DDAH1: variants seen among roughly 807,000 people sequenced by gnomAD.
DDAH1 encodes dimethylarginine dimethylaminohydrolase 1.
DDAH1 carries 19 observed loss-of-function variants against 28.8 expected under a neutral mutation model. The ratio of observed to expected loss-of-function variants is 0.66; its 90% CI spans 0.46 to 0.97. DDAH1 has a LOEUF of 0.97. DDAH1 is among the 50% of genes least tolerant of loss of function. The pLI, the probability that DDAH1 is intolerant of heterozygous loss-of-function variation, is 0.00. For synonymous variants in DDAH1, 153 were observed against 154.4 expected, an observed-to-expected ratio of 0.99 and a Z score of 0.07; for missense variants, 326 against 375.9, an observed-to-expected ratio of 0.87 and a Z score of 1.10.
At chr1:85,397,028 C>A (rs12564698) in intron 1 of DDAH1, among the ~76,000 whole-genome samples, 17,309 of 131,558 alleles carry the variant, frequency 0.13, 1,075 homozygotes, top group East Asian at 0.26. Flanking sequence ...TAGTGTGAGA[C>A]CCTGTCTTAA....
At chr1:85,483,476 G>A (rs1242443043) in intron 2 of DDAH1, among the ~76,000 whole-genome samples, 1 of 152,104 alleles carries the variant, frequency 6.6e-6, no homozygotes, top group African/African-American at 2.4e-5. Context: ...TTTAAGGAAA[G>A]GTACAGTTAA....
intron 2 of DDAH1, chr1:85,494,613 A>T (rs1204231919): frequency 6.6e-6 from 1 of 152,194 alleles, no homozygotes; most frequent in Non-Finnish European, 1.5e-5. Context: ...CCTGCTTTGC[A>T]TTACCAAATT....
chr1:85,474,621 A>G (rs77041226), intron 2 of DDAH1, among the ~76,000 whole-genome samples: 2,592 of 152,224 alleles, frequency 0.017, 62 homozygotes, highest in East Asian at 0.11. Context: ...TTTGACTCCT[A>G]TGACAAAGCA....
intron 1 of DDAH1, among the ~76,000 whole-genome samples, chr1:85,548,322 C>G (rs1426374185): frequency 6.6e-6 from 1 of 152,110 alleles, no homozygotes. Flanking sequence ...AGATAAGAAA[C>G]TGATATTTGA....
At chr1:85,406,740 G>A (rs1043701234) in intron 1 of DDAH1, among the ~76,000 whole-genome samples, 5 of 152,006 alleles carry the variant, frequency 3.3e-5, no homozygotes, top group Non-Finnish European at 7.4e-5. Flanking sequence ...TTGAGTATAC[G>A]AAGCACTGTT....
At chr1:85,471,836 G>A (rs954259701) in intron 2 of DDAH1, among the ~76,000 whole-genome samples, 4 of 152,184 alleles carry the variant, frequency 2.6e-5, no homozygotes, top group Non-Finnish European at 5.9e-5. Flanking sequence ...ACCTCCTCCT[G>A]TGCAAGCAAC....
intron 2 of DDAH1, among the ~76,000 whole-genome samples, chr1:85,491,808 G>C (rs1554598): frequency 0.056 from 8,585 of 152,088 alleles, 343 homozygotes; most frequent in African/African-American, 0.11. Context: ...TGTGTACTTT[G>C]TACTCTATAC....
chr1:85,378,220 C>A (rs546080898), intron 1 of DDAH1, among the ~76,000 whole-genome samples: 1 of 152,188 alleles, frequency 6.6e-6, no homozygotes, highest in East Asian at 1.9e-4. Flanking sequence ...TTTTGTATCT[C>A]CTCCTCCTCA....
chr1:85,409,973 C>A (rs1652571541), intron 1 of DDAH1, among the ~76,000 whole-genome samples: 1 of 152,162 alleles, frequency 6.6e-6, no homozygotes, highest in African/African-American at 2.4e-5. Context: ...ATGTATATAT[C>A]AACAGAGATT....
chr1:85,561,499 A>G (rs115303070), intron 1 of DDAH1, among the ~76,000 whole-genome samples: 1 of 152,196 alleles, frequency 6.6e-6, no homozygotes, highest in Non-Finnish European at 1.5e-5. Flanking sequence ...GGCCACAGAC[A>G]TGATGCTAAA....
At chr1:85,422,703 T>C (rs893807259) in intron 1 of DDAH1, among the ~76,000 whole-genome samples, 4 of 152,196 alleles carry the variant, frequency 2.6e-5, no homozygotes, top group Non-Finnish European at 5.9e-5. Flanking sequence ...CCCTAAAATG[T>C]TGATGCCCTA....
chr1:85,399,001 C>T (rs959761990), intron 1 of DDAH1: 1 of 152,066 alleles, frequency 6.6e-6, no homozygotes, highest in African/African-American at 2.4e-5. Context: ...TTAATTTAAC[C>T]CATTCCTGGA....
chr1:85,554,476 G>A (rs1658904654), intron 1 of DDAH1, among the ~76,000 whole-genome samples: 1 of 151,878 alleles, frequency 6.6e-6, no homozygotes, highest in Non-Finnish European at 1.5e-5. Context: ...TTAAATGACT[G>A]GAAATTGCAT....
chr1:85,576,964 G>GCCGCCACCGCCA (rs71075845), intron 1 of DDAH1: 88 of 153,802 alleles, frequency 5.7e-4, no homozygotes, highest in African/African-American at 9.7e-4. Context: ...AGCCGCCGCC[G>GCCGCCACCGCCA]CCGCCACCGC....
chr1:85,432,990 T>C (rs565220385), intron 1 of DDAH1, among the ~76,000 whole-genome samples: 39 of 152,264 alleles, frequency 2.6e-4, no homozygotes, highest in African/African-American at 8.7e-4. Context: ...TAACTACAGA[T>C]GGGGGAATCT....
At chr1:85,360,433 C>G (rs1005577250) in intron 1 of DDAH1, among the ~76,000 whole-genome samples, 1 of 152,120 alleles carries the variant, frequency 6.6e-6, no homozygotes, top group Non-Finnish European at 1.5e-5. Context: ...AAATAAGGAG[C>G]AAACACAATA....
intron 1 of DDAH1, among the ~76,000 whole-genome samples, chr1:85,533,118 G>T (rs1429552147): frequency 6.6e-6 from 1 of 152,080 alleles, no homozygotes; most frequent in Non-Finnish European, 1.5e-5. Context: ...TGCACTTTTT[G>T]TCCCTTCACC....
chr1:85,430,431 T>G (rs1451591541), intron 1 of DDAH1, among the ~76,000 whole-genome samples: 1 of 152,218 alleles, frequency 6.6e-6, no homozygotes, highest in Non-Finnish European at 1.5e-5. Context: ...TCTAATTCTG[T>G]GAAGAAAGTC....
chr1:85,458,158 G>C (rs367853992), intron 1 of DDAH1, among the ~76,000 whole-genome samples: 1 of 152,088 alleles, frequency 6.6e-6, no homozygotes, highest in African/African-American at 2.4e-5. Context: ...AACTAAGTCG[G>C]GTTCTTGTCC....
Sources: allele counts gnomAD v4.1 joint callset (sites outside exome capture counted in the v4.1 genomes callset), GRCh38; gene constraint gnomAD v4.1.1; transcripts MANE v1.5; gene names NCBI Gene and HGNC (gene_info 2026-07-23, HGNC 2026-07-21).